Variants in KCNH7 observed in about 807,000 individuals in gnomAD.
KCNH7 encodes the protein potassium voltage-gated channel subfamily H member 7, also known as voltage-gated inwardly rectifying potassium channel KCNH7.
Under a neutral mutation model 120.8 loss-of-function variants are expected in KCNH7, and 49 were observed. That is an observed-to-expected ratio of 0.41 (90% CI 0.32 to 0.51). KCNH7 has a LOEUF of 0.51. Ranked by LOEUF, KCNH7 falls within the 20% of genes least tolerant of loss-of-function variation. The pLI, the probability that KCNH7 is intolerant of heterozygous loss-of-function variation, is 0.38. For missense variants in KCNH7, 1,097 were observed against 1,446.6 expected (o/e 0.76, Z 3.92); for synonymous variants, 547 against 516.1 (o/e 1.06, Z -0.81).
At position 162,526,185 on chromosome 2, in the gene KCNH7, G is replaced by A. The variant is rs540231914; in HGVS notation, c.464-8027C>T. On this transcript the variant is annotated intron_variant, in intron 3 of 15. Transcript: ENST00000332142. ...AGTGATTTTCAGAAGGGCAGGGAGT[G>A]TACGAATAGGGTGTGGGTCACAGAG... Among the ~76,000 whole-genome samples, 132 of 151,990 alleles carry A rather than the reference G, an allele frequency of 8.7e-4. 3 individuals are homozygous for A. The South Asian group carries it at 0.027, about 31-fold the overall frequency.
intron 2 of KCNH7, among the ~76,000 whole-genome samples, chr2:162,783,099 T>G (rs1574384331): frequency 6.6e-6 from 1 of 152,198 alleles, no homozygotes; most frequent in Non-Finnish European, 1.5e-5. Context: ...TCCTTCACTG[T>G]GGAGCCACAA....
chr2:162,392,116 A>G (rs894297028), intron 12 of KCNH7, among the ~76,000 whole-genome samples: 2 of 152,082 alleles, frequency 1.3e-5, no homozygotes, highest in African/African-American at 4.8e-5. Flanking sequence ...TCATATTTTG[A>G]CAATATTATA....
chr2:162,770,768 A>C (rs1574366723), intron 2 of KCNH7, among the ~76,000 whole-genome samples: 1 of 152,032 alleles, frequency 6.6e-6, no homozygotes, highest in Non-Finnish European at 1.5e-5. Context: ...TTCTAAATAT[A>C]CTCTTGAATT....
intron 6 of KCNH7, among the ~76,000 whole-genome samples, chr2:162,467,761 G>A (rs1234104084): frequency 6.6e-6 from 1 of 152,154 alleles, no homozygotes; most frequent in African/African-American, 2.4e-5. Context: ...ATAACAAAAT[G>A]CCCTAGACTG....
intron 2 of KCNH7, among the ~76,000 whole-genome samples, chr2:162,579,426 C>A (rs79690838): frequency 6.6e-6 from 1 of 152,148 alleles, no homozygotes; most frequent in African/African-American, 2.4e-5. Flanking sequence ...ACTGTAATCA[C>A]TTTTCCAAGG....
At chr2:162,517,688 C>G (rs376994255) in intron 4 of KCNH7, 42 bp downstream of exon 4, 48 of 1,369,466 alleles carry the variant, frequency 3.5e-5, no homozygotes, top group Non-Finnish European at 4.4e-5. Context: ...TCATTTATTA[C>G]CCATTAATAT....
chr2:162,709,258 C>G (rs1686834647), intron 2 of KCNH7, among the ~76,000 whole-genome samples: 1 of 152,004 alleles, frequency 6.6e-6, no homozygotes, highest in South Asian at 2.1e-4. Flanking sequence ...GTATTTAAAA[C>G]TGTTTAGCTC....
chr2:162,789,992 A>G (rs550827843), intron 2 of KCNH7, among the ~76,000 whole-genome samples: 2 of 152,050 alleles, frequency 1.3e-5, no homozygotes, highest in South Asian at 4.1e-4. Context: ...ATCAAACTAT[A>G]TTAGAACAGA....
At chr2:162,557,013 C>T (rs1278221174) in intron 2 of KCNH7, among the ~76,000 whole-genome samples, 4 of 149,584 alleles carry the variant, frequency 2.7e-5, no homozygotes. Context: ...TAACAAACCA[C>T]CTCAACACTT....
chr2:162,760,703 G>A (rs975492479), intron 2 of KCNH7, among the ~76,000 whole-genome samples: 2 of 152,126 alleles, frequency 1.3e-5, no homozygotes, highest in Admixed American at 6.6e-5. Context: ...CACCAGAAAT[G>A]TTTAGTGTTG....
At chr2:162,702,303 T>C (rs1473659913) in intron 2 of KCNH7, among the ~76,000 whole-genome samples, 1 of 152,138 alleles carries the variant, frequency 6.6e-6, no homozygotes, top group East Asian at 1.9e-4. Flanking sequence ...GTTACAGTAT[T>C]GAAAATCTGA....
At chr2:162,680,798 A>G (rs1244607360) in intron 2 of KCNH7, among the ~76,000 whole-genome samples, 1 of 151,696 alleles carries the variant, frequency 6.6e-6, no homozygotes, top group Non-Finnish European at 1.5e-5. Context: ...TGTCTACTTT[A>G]TAAAATGTCC....
intron 2 of KCNH7, among the ~76,000 whole-genome samples, chr2:162,714,000 G>A (rs1359390430): frequency 7.2e-5 from 11 of 152,056 alleles, no homozygotes; most frequent in African/African-American, 1.9e-4. Context: ...CCACCGCCTC[G>A]GCCTCCCAAA....
chr2:162,504,734 A>G (rs970204228), intron 5 of KCNH7, 77 bp from the exon 6 acceptor site: 2 of 876,282 alleles, frequency 2.3e-6, no homozygotes, highest in African/African-American at 3.4e-5. Flanking sequence ...TGCCCTGCTA[A>G]TGATTCCTGA....
chr2:162,813,570 T>G (rs981924490), intron 2 of KCNH7, among the ~76,000 whole-genome samples: 23 of 152,196 alleles, frequency 1.5e-4, no homozygotes, highest in Admixed American at 5.2e-4. Context: ...ACTGATGGAT[T>G]TAATGATTTT....
At chr2:162,393,401 G>A (rs943233280) in intron 12 of KCNH7, among the ~76,000 whole-genome samples, 1 of 151,868 alleles carries the variant, frequency 6.6e-6, no homozygotes, top group African/African-American at 2.4e-5. Flanking sequence ...GGGCATAAAT[G>A]GGATCACCCA....
At chr2:162,412,785 G>A (rs761964611) in intron 9 of KCNH7, among the ~76,000 whole-genome samples, 6 of 152,098 alleles carry the variant, frequency 3.9e-5, no homozygotes, top group African/African-American at 9.7e-5. Context: ...TTTAAGTGTC[G>A]TATAATCACA....
chr2:162,766,149 A>G (rs73014144), intron 2 of KCNH7, among the ~76,000 whole-genome samples: 5,153 of 152,038 alleles, frequency 0.034, 276 homozygotes, highest in African/African-American at 0.12. Context: ...GCTTTCCTGT[A>G]TACTTCATTT....
chr2:162,590,003 A>G (rs990149201), intron 2 of KCNH7, among the ~76,000 whole-genome samples: 1 of 152,066 alleles, frequency 6.6e-6, no homozygotes, highest in African/African-American at 2.4e-5. Flanking sequence ...CATGCATGGT[A>G]TATGGAAAAT....
Sources: allele counts gnomAD v4.1 joint callset (sites outside exome capture counted in the v4.1 genomes callset), GRCh38; gene constraint gnomAD v4.1.1; transcripts MANE v1.5; gene names NCBI Gene and HGNC (gene_info 2026-07-23, HGNC 2026-07-21).